EPB41: variants seen among roughly 807,000 people sequenced by gnomAD.
The protein encoded by EPB41 is erythrocyte membrane protein band 4.1.
Under a neutral mutation model 108.0 loss-of-function variants are expected in EPB41, and 65 were observed. The ratio of observed to expected loss-of-function variants is 0.60; its 90% confidence interval spans 0.49 to 0.74. EPB41 has a LOEUF of 0.74. Among genes scored for constraint, EPB41 ranks in the 30% least tolerant of loss-of-function variants. EPB41 has a pLI of 0.00. For missense variants in EPB41, 875 were observed against 1,037.0 expected, an observed-to-expected ratio of 0.84 and a Z score of 2.15; for synonymous variants, 336 against 358.9, an observed-to-expected ratio of 0.94 and a Z score of 0.72.
At chr1:28,921,819 G>A (rs2093094141) in intron 1 of EPB41, among the ~76,000 whole-genome samples, 1 of 151,088 alleles carries the variant, frequency 6.6e-6, no homozygotes, top group Admixed American at 6.6e-5. Flanking sequence ...AAATCTTCAA[G>A]CTTTCTGGCA....
chr1:29,081,209 A>G (rs1447248629), intron 16 of EPB41, among the ~76,000 whole-genome samples: 3 of 152,234 alleles, frequency 2.0e-5, no homozygotes, highest in Admixed American at 1.3e-4. Flanking sequence ...AAGTTTTAAA[A>G]ATAATTTTTT....
intron 18 of EPB41, chr1:29,109,879 C>A: frequency 4.3e-6 from 1 of 231,242 alleles, no homozygotes; most frequent in Non-Finnish European, 8.8e-6. Context: ...ACTAAGAATA[C>A]ATAAATTAGC....
chr1:29,068,288 TAAA>T (rs1355949630), intron 16 of EPB41, among the ~76,000 whole-genome samples: 1 of 152,228 alleles, frequency 6.6e-6, no homozygotes, highest in Non-Finnish European at 1.5e-5. Flanking sequence ...GTGCAAGTAA[TAAA>T]AGATACTCGA....
At chr1:29,097,695 A>G (rs181050791) in intron 16 of EPB41, 112 bp from the exon 17 acceptor site, 150 of 1,305,832 alleles carry the variant, frequency 1.1e-4, no homozygotes, top group Non-Finnish European at 1.4e-4. Flanking sequence ...TTGTAGATTG[A>G]GCTAGCTCTG....
At chr1:29,042,162 A>G (rs1047042688) in intron 11 of EPB41, among the ~76,000 whole-genome samples, 10 of 152,292 alleles carry the variant, frequency 6.6e-5, no homozygotes, top group African/African-American at 2.2e-4. Flanking sequence ...ATGTGAGGAA[A>G]TTTTATAATA....
At chr1:28,979,081 G>T (rs1347540472) in intron 1 of EPB41, among the ~76,000 whole-genome samples, 1 of 151,496 alleles carries the variant, frequency 6.6e-6, no homozygotes. Flanking sequence ...TTTGATATTA[G>T]AGAAGCTGAA....
chr1:29,101,927 T>A (rs1293258022), intron 17 of EPB41, among the ~76,000 whole-genome samples: 1 of 151,784 alleles, frequency 6.6e-6, no homozygotes, highest in Non-Finnish European at 1.5e-5. Context: ...TAGGGAGAGG[T>A]CTGGGACCAG....
chr1:29,091,106 T>C (rs1313086154), intron 16 of EPB41, among the ~76,000 whole-genome samples: 3 of 152,252 alleles, frequency 2.0e-5, no homozygotes, highest in Non-Finnish European at 4.4e-5. Context: ...TTCTGTCTAA[T>C]TTAACTCAGC....
At chr1:29,042,069 C>T (rs1558125388) in intron 11 of EPB41, among the ~76,000 whole-genome samples, 1 of 152,194 alleles carries the variant, frequency 6.6e-6, no homozygotes, top group Non-Finnish European at 1.5e-5. Context: ...CAGACCCTCT[C>T]ATGAGATATG....
chr1:28,946,365 C>G (rs2094490425), intron 1 of EPB41, among the ~76,000 whole-genome samples: 1 of 152,096 alleles, frequency 6.6e-6, no homozygotes, highest in Non-Finnish European at 1.5e-5. Flanking sequence ...CCTTGGCCTC[C>G]CAAAGTGCTG....
chr1:29,109,475 G>A (rs754499680), intron 18 of EPB41, 38 bp downstream of exon 18: 1 of 1,571,760 alleles, frequency 6.4e-7, no homozygotes, highest in Non-Finnish European at 8.8e-7. Flanking sequence ...GGAACCCAGG[G>A]GCAGGCTAAG....
chr1:29,111,409 C>G (rs1669105355), intron 18 of EPB41, among the ~76,000 whole-genome samples: 1 of 151,970 alleles, frequency 6.6e-6, no homozygotes, highest in Non-Finnish European at 1.5e-5. Context: ...GTAATCCCAG[C>G]ACTTTGGGAG....
At chr1:29,113,138 T>G (rs1276894381) in intron 19 of EPB41, among the ~76,000 whole-genome samples, 1 of 145,318 alleles carries the variant, frequency 6.9e-6, no homozygotes, top group East Asian at 1.9e-4. Context: ...TATATTTTTA[T>G]GTTAATTGGG....
At chr1:28,970,003 C>T (rs116390797) in intron 1 of EPB41, among the ~76,000 whole-genome samples, 69 of 152,318 alleles carry the variant, frequency 4.5e-4, no homozygotes, top group African/African-American at 1.6e-3. Context: ...GTTTACTGCT[C>T]AGAATTCAGT....
intron 17 of EPB41, among the ~76,000 whole-genome samples, chr1:29,100,766 TATATATA>T (rs1665059062): frequency 6.8e-6 from 1 of 146,788 alleles, no homozygotes. Flanking sequence ...AAATATATAA[TATATATA>T]ATATATATAT....
At chr1:29,066,059 C>G (rs899385026) in intron 16 of EPB41, 4 of 151,668 alleles carry the variant, frequency 2.6e-5, no homozygotes, top group Non-Finnish European at 5.9e-5. Context: ...AAGATAGTCA[C>G]AATTAGAGGT....
intron 9 of EPB41, among the ~76,000 whole-genome samples, chr1:29,035,189 T>C (rs1639003721): frequency 6.6e-6 from 1 of 152,072 alleles, no homozygotes; most frequent in Non-Finnish European, 1.5e-5. Flanking sequence ...TTCACCATGT[T>C]GGTCAGGCTG....
intron 1 of EPB41, among the ~76,000 whole-genome samples, chr1:28,945,911 G>C (rs1293491300): frequency 1.3e-5 from 2 of 152,184 alleles, no homozygotes; most frequent in South Asian, 2.1e-4. Flanking sequence ...GGTTTTGCAA[G>C]GTGGCCTCAG....
At chr1:29,049,708 T>A (rs890426887) in intron 11 of EPB41, among the ~76,000 whole-genome samples, 1 of 152,210 alleles carries the variant, frequency 6.6e-6, no homozygotes, top group East Asian at 1.9e-4. Context: ...TTTACTGCTG[T>A]AGTATATAAC....
Sources: gnomAD v4.1 joint callset for allele counts (sites outside exome capture counted in the v4.1 genomes callset) on GRCh38, gnomAD v4.1.1 for gene constraint, MANE v1.5 for transcripts, NCBI Gene and HGNC (gene_info 2026-07-23, HGNC 2026-07-21) for gene names.